The following ST13 variants were observed in gnomAD, a reference collection of about 807,000 sequenced individuals.
ST13 encodes the protein ST13 Hsp70 interacting protein, also known as hsc70-interacting protein.
In ST13, 23 loss-of-function variants were observed where a neutral mutation model predicts 56.7. That is an observed-to-expected ratio of 0.41 (90% CI 0.29 to 0.57). The LOEUF (loss-of-function observed/expected upper bound fraction) is 0.57, where lower values mean the gene tolerates loss of function less well. ST13 is among the 20% of genes least tolerant of loss of function. The pLI, the probability that ST13 is intolerant of heterozygous loss-of-function variation, is 0.36. For synonymous variants in ST13, 132 were observed against 142.4 expected (o/e 0.93, Z 0.52); for missense variants, 369 against 459.9 (o/e 0.80, Z 1.81).
chr22:40,838,914 A>T (rs1250994646), intron 5 of ST13, among the ~76,000 whole-genome samples: 1 of 145,456 alleles, frequency 6.9e-6, no homozygotes, highest in East Asian at 1.9e-4. Flanking sequence ...GCATAAATAA[A>T]AAAAAAAAAA....
chr22:40,851,955 G>A (rs773530853), intron 1 of ST13, among the ~76,000 whole-genome samples: 3 of 152,130 alleles, frequency 2.0e-5, no homozygotes, highest in Admixed American at 2.0e-4. Context: ...ATGTTAGCCA[G>A]AACGGTCTCG....
intron 4 of ST13, among the ~76,000 whole-genome samples, chr22:40,840,988 C>T (rs572743210): frequency 6.6e-6 from 1 of 152,084 alleles, no homozygotes; most frequent in African/African-American, 2.4e-5. Flanking sequence ...AAATATTAAA[C>T]CCAATCTCCT....
Position 40,856,012 on chromosome 22 carries a change from A to G in ST13, c.110+419T>C, listed in dbSNP as rs572827150. Among the ~76,000 whole-genome samples, 39 of 151,858 alleles carry G rather than the reference A, an allele frequency of 2.6e-4. 1 individual carries two copies. The South Asian group carries it at 8.1e-3, about 32-fold the overall frequency. ...GTAACTTTTAACTTACTAGTGTTAT[A>G]TTATTATAACACGACGTAAAGGAAT... On this transcript the variant is annotated intron_variant, in intron 1 of 11. Transcript: ENST00000216218.
intron 5 of ST13, among the ~76,000 whole-genome samples, chr22:40,836,396 G>A (rs1283314741): frequency 2.0e-5 from 3 of 152,116 alleles, no homozygotes; most frequent in African/African-American, 7.2e-5. Flanking sequence ...AGTGAGGCGA[G>A]ATCACCACTG....
At chr22:40,826,705 T>C (rs1255144774) in intron 11 of ST13, 39 bp from the exon 12 acceptor site, 2 of 1,602,662 alleles carry the variant, frequency 1.2e-6, no homozygotes, top group East Asian at 2.2e-5. Flanking sequence ...AAAAGTGTCC[T>C]ACTGGGTCAG....
intron 7 of ST13, among the ~76,000 whole-genome samples, chr22:40,835,124 G>C (rs931455499): frequency 6.6e-6 from 1 of 152,128 alleles, no homozygotes; most frequent in Non-Finnish European, 1.5e-5. Context: ...GTTTCAGGCT[G>C]GCATACTCCT....
At chr22:40,832,284 C>T in intron 8 of ST13, 1 of 498,856 alleles carries the variant, frequency 2.0e-6, no homozygotes, top group Non-Finnish European at 3.9e-6. Flanking sequence ...CTATTTGTTT[C>T]CTTGTTGTAA....
In ST13 at chr22:40,840,626, C is replaced by T; in HGVS notation, c.382G>A (p.Gly128Ser). 6.2e-7 allele frequency: 1 copy of T among 1,608,608 alleles called. No individual in the cohort carries two copies. Among genetic ancestry groups the T allele is most frequent in the Non-Finnish European group, 8.5e-7 (1 of 1,178,370 alleles). ...KVAAIEALNDGELQKAIDLFT... is the reference protein window; with the variant it reads ...KVAAIEALNDSELQKAIDLFT... ...GAAATGTAGCAAAAAGATTACTCAC[C>T]ATCATTTAGGGCTTCAATAGCAGCC... The change falls in exon 5 of 12, where the codon GGT becomes AGT. Residue 128 changes from glycine (G) to serine (S), a missense_variant and splice_region_variant. By Grantham distance (56) the Gly-to-Ser change is moderately conservative. Around this residue, in one of 3 missense-constraint regions of ST13, gnomAD observed 169 missense variants for 175.6 expected, o/e 0.96. Coordinates refer to ENST00000216218, the MANE Select transcript of ST13 (RefSeq NM_003932.5).
intron 4 of ST13, among the ~76,000 whole-genome samples, chr22:40,844,266 G>A (rs1237008033): frequency 6.6e-6 from 1 of 152,128 alleles, no homozygotes; most frequent in Non-Finnish European, 1.5e-5. Flanking sequence ...ATCAAGTTTT[G>A]AGGATAAAAA....
At chr22:40,852,960 GAAGTGATATTCCTGCCAAGAA>G (rs1302427534) in intron 1 of ST13, among the ~76,000 whole-genome samples, 5 of 152,168 alleles carry the variant, frequency 3.3e-5, no homozygotes, top group Admixed American at 2.0e-4. Context: ...CTAACTTTGG[GAAGTGATATTCCTGCCAAGAA>G]ATGTATTAAG....
At chr22:40,829,449 CA>C (rs1174123570) in intron 10 of ST13, among the ~76,000 whole-genome samples, 176 bp downstream of exon 10, 2 of 152,086 alleles carry the variant, frequency 1.3e-5, no homozygotes, top group African/African-American at 4.8e-5. Context: ...TTACACTGTA[CA>C]AAAAACATCA....
intron 3 of ST13, among the ~76,000 whole-genome samples, chr22:40,847,705 T>C (rs1460885930): frequency 6.6e-6 from 1 of 151,934 alleles, no homozygotes; most frequent in Non-Finnish European, 1.5e-5. Flanking sequence ...ATGTGTAAAA[T>C]ACCCTTTGGA....
At position 40,826,638 on chromosome 22, in the gene ST13, T is replaced by A; in HGVS notation, c.1010A>T (p.Asp337Val). ...QDPEVMVAFQ[D>V]VAQNPANMSK... Reference sequence around the variant, plus strand: ...CATATTTGCTGGGTTCTGAGCCACATCCTGGAAAGCCACCATAACTTCTGG... The same window carrying A: ...CATATTTGCTGGGTTCTGAGCCACAACCTGGAAAGCCACCATAACTTCTGG... The change falls in exon 12 of 12, where the codon GAT becomes GTT. Residue 337 changes from aspartate (D) to valine (V), a missense_variant. This residue lies in a region of ST13 where 136 missense variants were observed against 159.2 expected (regional missense o/e 0.85). Coordinates refer to ENST00000216218, the MANE Select transcript of ST13 (RefSeq NM_003932.5). 2 of 1,609,182 alleles carry A rather than the reference T, an allele frequency of 1.2e-6. No homozygotes were observed. Among genetic ancestry groups the A allele is most frequent in the East Asian group, 2.2e-5 (1 of 44,858 alleles).
intron 5 of ST13, among the ~76,000 whole-genome samples, chr22:40,837,505 A>G (rs1315582742): frequency 2.0e-5 from 3 of 152,162 alleles, no homozygotes; most frequent in African/African-American, 7.2e-5. Context: ...AATTAGCCGC[A>G]TATGGTGGCG....
intron 4 of ST13, among the ~76,000 whole-genome samples, chr22:40,841,129 A>G (rs1414826130): frequency 6.6e-6 from 1 of 151,586 alleles, no homozygotes; most frequent in Admixed American, 6.6e-5. Flanking sequence ...AGATGCTGAC[A>G]GTATAAAGAT....
intron 1 of ST13, among the ~76,000 whole-genome samples, chr22:40,856,194 G>A (rs1356350731): frequency 1.3e-5 from 2 of 152,116 alleles, no homozygotes; most frequent in Non-Finnish European, 2.9e-5. Flanking sequence ...TTTCGCCCAA[G>A]ATACACCCCT....
chr22:40,824,994 A>T lies in ST13; in HGVS notation c.*1544T>A, dbSNP rs1025380489. The T allele has an allele frequency of 2.6e-5, 4 of 152,196 alleles. No homozygotes were observed. The highest frequency in any genetic ancestry group is 9.6e-5 in the African/African-American group (4 of 41,452). The allele number at this position is 152,196 out of a possible 1,614,324, so 9.4% of individuals were successfully genotyped here. A position where few individuals can be genotyped will look rare whatever the true frequency, so the allele number is the denominator to read the frequency against. On this transcript the variant is annotated 3_prime_UTR_variant, in exon 12 of 12. Coordinates refer to ENST00000216218, the MANE Select transcript of ST13 (RefSeq NM_003932.5). ...CACTGCTCCTACCACTGATTCTTCA[A>T]ATAAGCAAAGTACAGAAGGCCTTAT...
chr22:40,843,529 T>G (rs1381597754), intron 4 of ST13, among the ~76,000 whole-genome samples: 2 of 152,084 alleles, frequency 1.3e-5, no homozygotes, highest in African/African-American at 2.4e-5. Context: ...TTAGTTTTGG[T>G]GGGACCGGTA....
chr22:40,855,285 T>C (rs1391668486), intron 1 of ST13, among the ~76,000 whole-genome samples: 2 of 152,122 alleles, frequency 1.3e-5, no homozygotes, highest in Non-Finnish European at 1.5e-5. Flanking sequence ...CCCCCATCTC[T>C]ACAAAAAAAT....
Sources: allele counts gnomAD v4.1 joint callset (sites outside exome capture counted in the v4.1 genomes callset), GRCh38; gene constraint gnomAD v4.1.1; regional missense constraint gnomAD v4.1.1; transcripts MANE v1.5; gene names NCBI Gene and HGNC (gene_info 2026-07-23, HGNC 2026-07-21).